Variants in NBAS observed in about 807,000 individuals in gnomAD.
The protein encoded by NBAS is NBAS subunit of NRZ tethering complex, also known as NAG/BC035112 fusion.
Under a neutral mutation model 302.5 loss-of-function variants are expected in NBAS, and 219 were observed. That is an observed-to-expected ratio of 0.72 (90% CI 0.65 to 0.81). The LOEUF (loss-of-function observed/expected upper bound fraction) is 0.81, where lower values mean the gene tolerates loss of function less well. Among genes scored for constraint, NBAS ranks in the 30% least tolerant of loss-of-function variants. The pLI, the probability that NBAS is intolerant of heterozygous loss-of-function variation, is 0.00. For synonymous variants in NBAS, 1,118 were observed against 1,021.6 expected (o/e 1.09, Z -1.80); for missense variants, 2,932 against 2,841.6 (o/e 1.03, Z -0.72).
At chr2:14,884,186 G>A in the NBAS span, among the ~76,000 whole-genome samples, 2 of 152,042 alleles carry the variant, frequency 1.3e-5, no homozygotes, top group Non-Finnish European at 2.9e-5. Context: ...TTTGAGCGTA[G>A]TTAATGTGCT....
At chr2:14,867,142 A>G in the NBAS span, among the ~76,000 whole-genome samples, 49 of 152,342 alleles carry the variant, frequency 3.2e-4, no homozygotes, top group African/African-American at 1.1e-3. Flanking sequence ...TTGATATATC[A>G]TTAAGTGAAG....
the NBAS span, among the ~76,000 whole-genome samples, chr2:15,134,950 T>G: frequency 6.6e-6 from 1 of 152,190 alleles, no homozygotes; most frequent in African/African-American, 2.4e-5. Flanking sequence ...TATGGCAAAT[T>G]GAATGCCATT....
chr2:15,522,626 T>C (rs2148663431), intron 9 of NBAS, among the ~76,000 whole-genome samples: 1 of 151,932 alleles, frequency 6.6e-6, no homozygotes, highest in East Asian at 1.9e-4. Flanking sequence ...ATATATAGAA[T>C]AGGTAAGGGA....
the NBAS span, among the ~76,000 whole-genome samples, chr2:15,034,861 T>C: frequency 0.8 from 122,264 of 152,072 alleles, 49,681 homozygotes; most frequent in East Asian, 1. Context: ...ACTGTTCCAA[T>C]CCAGCTTTCT....
intron 44 of NBAS, among the ~76,000 whole-genome samples, chr2:15,273,863 C>G (rs1452733580): frequency 6.6e-6 from 1 of 151,788 alleles, no homozygotes; most frequent in Non-Finnish European, 1.5e-5. Context: ...ATCACGACGT[C>G]AGGAGATCGA....
intron 35 of NBAS, among the ~76,000 whole-genome samples, chr2:15,343,781 T>C (rs949187021): frequency 6.6e-6 from 1 of 151,642 alleles, no homozygotes; most frequent in African/African-American, 2.4e-5. Flanking sequence ...AGGAGTAAAT[T>C]TTTGCAATCT....
chr2:14,807,656 C>T, the NBAS span, among the ~76,000 whole-genome samples: 1 of 152,114 alleles, frequency 6.6e-6, no homozygotes, highest in African/African-American at 2.4e-5. Context: ...ACATGTAGTA[C>T]AGCTGTAAAA....
the NBAS span, among the ~76,000 whole-genome samples, chr2:14,924,655 G>A: frequency 1.3e-5 from 2 of 151,810 alleles, no homozygotes; most frequent in East Asian, 3.9e-4. Context: ...ACTTCCTTTC[G>A]CCAAGAAAAA....
At chr2:15,528,447 T>C (rs1029810290) in intron 9 of NBAS, among the ~76,000 whole-genome samples, 3 of 147,666 alleles carry the variant, frequency 2.0e-5, no homozygotes, top group African/African-American at 7.4e-5. Context: ...ATTTTTAATA[T>C]ATATGAAATA....
At chr2:14,881,064 T>C in the NBAS span, among the ~76,000 whole-genome samples, 2 of 151,868 alleles carry the variant, frequency 1.3e-5, no homozygotes, top group Admixed American at 1.3e-4. Context: ...GAGCCAACAA[T>C]AGCAAAGTCA....
the NBAS span, among the ~76,000 whole-genome samples, chr2:14,979,313 G>C: frequency 6.6e-6 from 1 of 152,232 alleles, no homozygotes; most frequent in African/African-American, 2.4e-5. Flanking sequence ...GTCATTGTCT[G>C]CTAGTGTCCT....
chr2:14,969,104 C>T, the NBAS span, among the ~76,000 whole-genome samples: 1 of 152,016 alleles, frequency 6.6e-6, no homozygotes, highest in African/African-American at 2.4e-5. Context: ...AACAAAAGGC[C>T]ACAAAGTATA....
intron 9 of NBAS, among the ~76,000 whole-genome samples, chr2:15,519,032 A>G (rs763541316): frequency 6.6e-6 from 1 of 152,192 alleles, no homozygotes; most frequent in Non-Finnish European, 1.5e-5. Flanking sequence ...GCCAAGCCAT[A>G]TTACTCTTCA....
chr2:14,788,081 A>G, the NBAS span, among the ~76,000 whole-genome samples: 1 of 151,996 alleles, frequency 6.6e-6, no homozygotes, highest in Non-Finnish European at 1.5e-5. Flanking sequence ...TTCATCTTCC[A>G]TCACTGATAC....
At chr2:14,905,195 C>A in the NBAS span, among the ~76,000 whole-genome samples, 12 of 152,226 alleles carry the variant, frequency 7.9e-5, no homozygotes, top group Admixed American at 7.8e-4. Context: ...GCAACATCTT[C>A]ACAGACACAC....
At chr2:15,008,477 T>A in the NBAS span, among the ~76,000 whole-genome samples, 1 of 152,220 alleles carries the variant, frequency 6.6e-6, no homozygotes. Flanking sequence ...GGAAGTGTAC[T>A]TAGGTAACCA....
chr2:15,382,735 C>A (rs916437154), intron 29 of NBAS, among the ~76,000 whole-genome samples: 56 of 152,128 alleles, frequency 3.7e-4, no homozygotes, highest in Admixed American at 3.3e-3. Context: ...AGTAGAGCTA[C>A]TTTTTGATTA....
the NBAS span, among the ~76,000 whole-genome samples, chr2:15,080,401 TCTC>T: frequency 6.6e-6 from 1 of 152,200 alleles, no homozygotes; most frequent in African/African-American, 2.4e-5. Flanking sequence ...CTCCTGTATC[TCTC>T]CAGAAACATT....
the NBAS span, among the ~76,000 whole-genome samples, chr2:14,947,810 G>A: frequency 6.6e-6 from 1 of 150,750 alleles, no homozygotes; most frequent in South Asian, 2.1e-4. Flanking sequence ...GTTTCATGAG[G>A]TTTTTTTTTA....
Sources: allele counts gnomAD v4.1 joint callset (sites outside exome capture counted in the v4.1 genomes callset), GRCh38; gene constraint gnomAD v4.1.1; transcripts MANE v1.5; gene names NCBI Gene and HGNC (gene_info 2026-07-23, HGNC 2026-07-21).